PPFIA2: variants seen among roughly 807,000 people sequenced by gnomAD.
The protein encoded by PPFIA2 is PPFI scaffold protein A2.
In PPFIA2, 46 loss-of-function variants were observed where a neutral mutation model predicts 175.5. The ratio of observed to expected loss-of-function variants is 0.26; its 90% CI spans 0.21 to 0.34. The LOEUF (loss-of-function observed/expected upper bound fraction) is 0.34. Among genes scored for constraint, PPFIA2 ranks in the 10% least tolerant of loss-of-function variants. The probability of loss-of-function intolerance (pLI) is 1.00; values close to 1 mark genes in which losing one functional copy is unlikely to be tolerated. For missense variants in PPFIA2, 1,179 were observed against 1,506.1 expected (o/e 0.78, Z 3.60); for synonymous variants, 568 against 511.4 (o/e 1.11, Z -1.49).
chr12:81,406,368 T>C (rs2042934650), intron 7 of PPFIA2, among the ~76,000 whole-genome samples: 1 of 152,136 alleles, frequency 6.6e-6, no homozygotes, highest in South Asian at 2.1e-4. Flanking sequence ...CCATCTGCAA[T>C]TTAATATAAG....
intron 4 of PPFIA2, among the ~76,000 whole-genome samples, chr12:81,630,767 C>T (rs190157966): frequency 1.8e-4 from 28 of 151,428 alleles, no homozygotes; most frequent in Admixed American, 1.2e-3. Context: ...CTATTTCAAA[C>T]ATAATATAAA....
chr12:81,555,605 G>T (rs2068712808), intron 4 of PPFIA2, among the ~76,000 whole-genome samples: 2 of 152,010 alleles, frequency 1.3e-5, no homozygotes, highest in Non-Finnish European at 1.5e-5. Context: ...TCATAGGTTT[G>T]TTTAAATTAA....
chr12:81,429,777 G>A (rs576777661), intron 7 of PPFIA2, among the ~76,000 whole-genome samples: 11 of 152,084 alleles, frequency 7.2e-5, no homozygotes, highest in Admixed American at 2.6e-4. Flanking sequence ...ATTTAAATAA[G>A]GAAATACCAT....
intron 21 of PPFIA2, among the ~76,000 whole-genome samples, chr12:81,337,646 G>C (rs1034863517): frequency 2.6e-5 from 4 of 151,900 alleles, no homozygotes; most frequent in Non-Finnish European, 5.9e-5. Flanking sequence ...AGTGATAAGG[G>C]CAATTAAATA....
chr12:81,459,480 T>G (rs1378241176), intron 4 of PPFIA2, among the ~76,000 whole-genome samples: 2 of 152,174 alleles, frequency 1.3e-5, no homozygotes. Context: ...TATAAAAAAT[T>G]TATTCATCTA....
At chr12:81,705,351 G>A (rs951499045) in intron 3 of PPFIA2, among the ~76,000 whole-genome samples, 2 of 150,646 alleles carry the variant, frequency 1.3e-5, no homozygotes, top group African/African-American at 4.9e-5. Flanking sequence ...AGCTACAGAG[G>A]AGGCTGAGGC....
At chr12:81,650,017 T>TG (rs1203718605) in intron 4 of PPFIA2, among the ~76,000 whole-genome samples, 36 of 152,092 alleles carry the variant, frequency 2.4e-4, no homozygotes, top group Admixed American at 1.4e-3. Context: ...TTTTTGTTTT[T>TG]TTTTTTTCCT....
At chr12:81,627,523 A>G (rs1337339262) in intron 4 of PPFIA2, among the ~76,000 whole-genome samples, 1 of 152,178 alleles carries the variant, frequency 6.6e-6, no homozygotes, top group Admixed American at 6.5e-5. Context: ...CATCATTACT[A>G]GAAAGATGTC....
intron 4 of PPFIA2, among the ~76,000 whole-genome samples, chr12:81,458,842 A>C (rs568689180): frequency 3.9e-4 from 60 of 152,270 alleles, no homozygotes; most frequent in Non-Finnish European, 7.1e-4. Flanking sequence ...AGTGATTTTC[A>C]GTAGTAACAC....
At chr12:81,502,666 G>A (rs1384387028) in intron 4 of PPFIA2, among the ~76,000 whole-genome samples, 1 of 152,074 alleles carries the variant, frequency 6.6e-6, no homozygotes, top group East Asian at 1.9e-4. Flanking sequence ...TGTGCTAGGG[G>A]AAAAAGGTGA....
chr12:81,317,010 G>A (rs929967286), intron 22 of PPFIA2, among the ~76,000 whole-genome samples: 1 of 151,520 alleles, frequency 6.6e-6, no homozygotes, highest in Admixed American at 6.6e-5. Context: ...TACATTAAAG[G>A]CTTTGTGAAA....
chr12:81,598,273 T>C (rs1008509767), intron 4 of PPFIA2: 48 of 1,251,026 alleles, frequency 3.8e-5, no homozygotes, highest in Non-Finnish European at 4.6e-5. Flanking sequence ...TACAATGTTT[T>C]TTAAAAAATT....
At chr12:81,446,519 C>T (rs1021384684) in intron 5 of PPFIA2, among the ~76,000 whole-genome samples, 2 of 152,134 alleles carry the variant, frequency 1.3e-5, no homozygotes, top group Non-Finnish European at 2.9e-5. Flanking sequence ...AACAAAGATA[C>T]ATGAGAAGAA....
At chr12:81,269,569 GAA>G in intron 28 of PPFIA2, among the ~76,000 whole-genome samples, 1 of 152,152 alleles carries the variant, frequency 6.6e-6, no homozygotes, top group African/African-American at 2.4e-5. Context: ...GTATAACTTT[GAA>G]GCAATACAGT....
intron 3 of PPFIA2, among the ~76,000 whole-genome samples, chr12:81,718,928 A>G (rs759787692): frequency 6.6e-6 from 1 of 151,574 alleles, no homozygotes; most frequent in Non-Finnish European, 1.5e-5. Flanking sequence ...CAAGCAAGTG[A>G]GCTGTATTTT....
At chr12:81,364,125 G>A (rs1291790949) in intron 14 of PPFIA2, among the ~76,000 whole-genome samples, 1 of 151,840 alleles carries the variant, frequency 6.6e-6, no homozygotes, top group African/African-American at 2.4e-5. Context: ...ATTAAAAAAT[G>A]AGACTCTTAG....
At chr12:81,727,061 T>G (rs2080185358) in intron 3 of PPFIA2, among the ~76,000 whole-genome samples, 1 of 151,326 alleles carries the variant, frequency 6.6e-6, no homozygotes, top group Non-Finnish European at 1.5e-5. Context: ...CCACAGAGAT[T>G]TGGCTTTTGT....
chr12:81,533,598 T>G (rs183134893), intron 4 of PPFIA2, among the ~76,000 whole-genome samples: 2 of 151,594 alleles, frequency 1.3e-5, no homozygotes, highest in African/African-American at 4.8e-5. Flanking sequence ...GAATAAGAAA[T>G]AGTTTTATAG....
rs188402026 is a variant in PPFIA2 at position 81,484,068 on chromosome 12, A to G, written c.304-26202T>C. Among the ~76,000 whole-genome samples the G allele has an allele frequency of 2.0e-4, 30 of 152,106 alleles. No individual in the cohort carries two copies. In the South Asian group the frequency reaches 3.3e-3, roughly 17 times the overall value. On this transcript the variant is annotated intron_variant, in intron 4 of 32. Transcript: ENST00000549396. ...TCTTAAAGGACACTGACAAAAAAAT[A>G]ATGTGGCATTACCTGGGCGAAGGTC...
Sources: gnomAD v4.1 joint callset for allele counts (sites outside exome capture counted in the v4.1 genomes callset) on GRCh38, gnomAD v4.1.1 for gene constraint, MANE v1.5 for transcripts, NCBI Gene and HGNC (gene_info 2026-07-23, HGNC 2026-07-21) for gene names.